SAMD15: variants seen among roughly 807,000 people sequenced by gnomAD.
SAMD15 encodes the protein sterile alpha motif domain-containing protein 15.
Under a neutral mutation model 50.5 loss-of-function variants are expected in SAMD15, and 37 were observed. The ratio of observed to expected loss-of-function variants is 0.73; its 90% CI spans 0.56 to 0.96. SAMD15 has a LOEUF of 0.96. Among genes scored for constraint, SAMD15 ranks in the 40% least tolerant of loss-of-function variants. SAMD15 has a pLI of 0.00. For missense variants in SAMD15, 789 were observed against 783.8 expected, an observed-to-expected ratio of 1.01 and a Z score of -0.08; for synonymous variants, 255 against 282.8, an observed-to-expected ratio of 0.90 and a Z score of 0.99.
At chr14:77,389,496 A>ATTTTTTTTTTT (rs768983521) in intron 2 of SAMD15, among the ~76,000 whole-genome samples, 1 of 111,654 alleles carries the variant, frequency 9.0e-6, no homozygotes, top group Admixed American at 1.1e-4. Flanking sequence ...GGCAATCACA[A>ATTTTTTTTTTT]TTTTTTTTTT....
intron 2 of SAMD15, among the ~76,000 whole-genome samples, chr14:77,383,142 A>C (rs1446796873): frequency 1.3e-5 from 2 of 152,246 alleles, no homozygotes; most frequent in Non-Finnish European, 2.9e-5. Context: ...TTTCTACTTA[A>C]GGTATAATGA....
chr14:77,378,443 G>A lies in SAMD15; in HGVS notation c.1025G>A (p.Arg342Lys). Reference sequence around the variant, plus strand: ...TTAGAGTTTCCTGAGGAAGAATCAAGAAAAACAAATGAGGAAACAATTCTA... The same window carrying A: ...TTAGAGTTTCCTGAGGAAGAATCAAAAAAAACAAATGAGGAAACAATTCTA... ...IKLEFPEEESRKTNEETILEQ... is the reference protein window; with the variant it reads ...IKLEFPEEESKKTNEETILEQ... Residue 342 changes from arginine (R) to lysine (K), a missense_variant, in exon 1 of 3, where the codon AGA becomes AAA. This residue lies in a region of SAMD15 where 770 missense variants were observed against 745.4 expected (regional missense o/e 1.03). Coordinates refer to ENST00000216471, the MANE Select transcript of SAMD15 (RefSeq NM_001010860.4). 6.2e-7 allele frequency: 1 copy of A among 1,613,706 alleles called. No individual in the cohort carries two copies. The highest frequency in any genetic ancestry group is 2.2e-5 in the East Asian group (1 of 44,884).
In SAMD15 at chr14:77,378,608, C is replaced by T. The variant is rs756793490; in HGVS notation, c.1190C>T (p.Thr397Ile). The T allele has an allele frequency of 3.2e-5, 51 of 1,613,690 alleles. No individual in the cohort carries two copies. Among genetic ancestry groups the T allele is most frequent in the Non-Finnish European group, 4.1e-5 (48 of 1,179,958 alleles). The part of the protein sequence containing the change: ...INPQVEEKTQ[T>I]KPTEKILELP... The stretch of plus-strand genomic sequence containing the variant: ...CCACAAGTTGAAGAGAAAACACAAA[C>T]AAAGCCAACTGAGAAAATTCTAGAG... The change falls in exon 1 of 3, where the codon ACA (threonine) becomes ATA (isoleucine). Residue 397 changes from threonine (T) to isoleucine (I), a missense_variant. Transcript: ENST00000216471.
chr14:77,390,213 C>T (rs548149070), intron 2 of SAMD15, among the ~76,000 whole-genome samples: 90 of 152,030 alleles, frequency 5.9e-4, no homozygotes, highest in Non-Finnish European at 7.6e-4. Context: ...CCAGACTGTT[C>T]TCGAACTCCT....
intron 2 of SAMD15, among the ~76,000 whole-genome samples, chr14:77,385,078 G>A (rs1893988889): frequency 6.6e-6 from 1 of 151,832 alleles, no homozygotes; most frequent in South Asian, 2.1e-4. Context: ...AGCTACTAGG[G>A]AGGCAGAGGC....
At chr14:77,387,896 A>G (rs1425061788) in intron 2 of SAMD15, among the ~76,000 whole-genome samples, 24 of 152,106 alleles carry the variant, frequency 1.6e-4, no homozygotes, top group Admixed American at 1.6e-3. Flanking sequence ...CCAAAAAAAA[A>G]GCAGGGTATG....
Position 77,377,627 on chromosome 14 carries a change from A to G in SAMD15, c.209A>G (p.Asp70Gly). 1 of 1,614,222 alleles carries G rather than the reference A, an allele frequency of 6.2e-7. No homozygotes were observed. Among genetic ancestry groups the G allele is most frequent in the Non-Finnish European group, 8.5e-7 (1 of 1,180,040 alleles). ...EEEDFKEGEP[D>G]SAKNVQLKPG... Reference sequence around the variant, plus strand: ...GAGGACTTCAAAGAGGGGGAGCCAGACAGTGCTAAGAACGTGCAGCTGAAA... The same window carrying G: ...GAGGACTTCAAAGAGGGGGAGCCAGGCAGTGCTAAGAACGTGCAGCTGAAA... Residue 70 changes from aspartate to glycine, a missense_variant, in exon 1 of 3, where the codon GAC becomes GGC. Around this residue, in one of 2 missense-constraint regions of SAMD15, gnomAD observed 770 missense variants for 745.4 expected, o/e 1.03. Transcript: ENST00000216471.
chr14:77,378,832 A>G lies in SAMD15; in HGVS notation c.1414A>G (p.Ile472Val), dbSNP rs1276594124. The change falls in exon 1 of 3, where the codon ATT becomes GTT. Residue 472 changes from isoleucine (I) to valine (V), a missense_variant. By Grantham distance (29) the Ile-to-Val change is conservative. Transcript: ENST00000216471. ...ATCTCTCAGAGAAAGTGAAGAATCA[A>G]TTGGTACACATTATGAGTTTTTGCA... ...LGSLRESEES[I>V]GTHYEFLQPL... is the part of the protein sequence containing the mutation. The G allele has an allele frequency of 1.2e-6, 2 of 1,613,862 alleles. No homozygotes were observed. Among genetic ancestry groups the G allele is most frequent in the East Asian group, 4.5e-5 (2 of 44,904 alleles).
chr14:77,385,925 G>A (rs1894000714), intron 2 of SAMD15, among the ~76,000 whole-genome samples: 1 of 148,906 alleles, frequency 6.7e-6, no homozygotes, highest in African/African-American at 2.5e-5. Flanking sequence ...TCAGCTCAGT[G>A]CAACCTCCAC....
Position 77,378,295 on chromosome 14 carries a change from C to T in SAMD15, c.877C>T (p.Gln293Ter), listed in dbSNP as rs1566699390. The T allele has an allele frequency of 1.9e-6, 3 of 1,611,912 alleles. No individual in the cohort carries two copies. The change falls in exon 1 of 3, where the codon CAA (glutamine) becomes TAA (stop). Residue 293 changes from glutamine (Q) to a stop codon, truncating the protein, a stop_gained. Transcript: ENST00000216471. LOFTEE classifies it high-confidence loss of function. ...TCAACCAGAGGTTCCAGAGGAGATG[C>T]AAAGAAAGGCAACTGAGGAGAAAGG... ...ETQPEVPEEM[Q>*]RKATEEKGTE...
At chr14:77,381,724 T>C (rs1315026315) in intron 2 of SAMD15, among the ~76,000 whole-genome samples, 1 of 152,198 alleles carries the variant, frequency 6.6e-6, no homozygotes, top group East Asian at 1.9e-4. Context: ...CAAGAAGATA[T>C]AACGAAACTT....
rs766793573 is a variant in SAMD15 at position 77,378,564 on chromosome 14, G to A, written c.1146G>A (p.Val382=). The A allele has an allele frequency of 6.2e-7, 1 of 1,613,300 alleles. No homozygotes were observed. Among genetic ancestry groups the A allele is most frequent in the South Asian group, 1.1e-5 (1 of 90,980 alleles). ...AGCCACCAGAGGAGACTGGTCCAGT[G>A]CTACCACAGGAGATCAACCCACAAG... ...NPQPPEETGP[V]LPQEINPQVE... Residue 382 remains valine, a synonymous_variant, in exon 1 of 3, where the codon GTG becomes GTA. Transcript: ENST00000216471.
In SAMD15 at chr14:77,391,283, AT is replaced by A; in HGVS notation, c.*41del. ...CACAGAGCTTGAAAGATCAAACTAA[AT>A]TACTTGAGGGAAGAGGTATGGTCTT... On this transcript the variant is annotated 3_prime_UTR_variant, in exon 3 of 3. Coordinates refer to ENST00000216471, the MANE Select transcript of SAMD15 (RefSeq NM_001010860.4). The A allele has an allele frequency of 7.8e-7, 1 of 1,284,672 alleles. No homozygotes were observed. 79.6% of individuals were successfully genotyped at this position (1,284,672 alleles called of 1,614,324 possible). A position where few individuals can be genotyped will look rare whatever the true frequency, so the allele number is the denominator to read the frequency against.
chr14:77,378,423 GTT>G lies in SAMD15; in HGVS notation c.1007_1008del (p.Phe336SerfsTer2). The stretch of plus-strand genomic sequence containing the variant: ...AGCCACTAGAAGAGATCAAATTAGA[GTT>G]TCCTGAGGAAGAATCAAGAAAAACA... ...PEPLEEIKLE[F>X]PEEESRKTNE... is the part of the protein sequence containing the mutation. On this transcript the variant is annotated frameshift_variant, in exon 1 of 3. Transcript: ENST00000216471. LOFTEE classifies it high-confidence loss of function. The G allele has an allele frequency of 6.2e-7, 1 of 1,613,960 alleles. No individual in the cohort carries two copies. The highest frequency in any genetic ancestry group is 8.5e-7 in the Non-Finnish European group (1 of 1,179,984).
In SAMD15 at chr14:77,377,549, A is replaced by T. The variant is rs377614456; in HGVS notation, c.131A>T (p.Asp44Val). ...NAEPDTMAKA[D>V]SKLPAEIYQE... Reference sequence around the variant, plus strand: ...GAACCAGACACCATGGCAAAGGCAGACTCGAAGCTACCAGCAGAGATTTAC... The same window carrying T: ...GAACCAGACACCATGGCAAAGGCAGTCTCGAAGCTACCAGCAGAGATTTAC... The change falls in exon 1 of 3, where the codon GAC (aspartate) becomes GTC (valine). Residue 44 changes from aspartate to valine, a missense_variant. Asp to Val is a radical substitution (Grantham distance 152). Transcript: ENST00000216471. 1.9e-6 allele frequency: 3 copies of T among 1,614,148 alleles called. No individual in the cohort carries two copies. Among genetic ancestry groups the T allele is most frequent in the Non-Finnish European group, 2.5e-6 (3 of 1,180,010 alleles).
rs766329164 is a variant in SAMD15 at position 77,377,484 on chromosome 14, G to A, written c.66G>A (p.Arg22=). 6.2e-7 allele frequency: 1 copy of A among 1,614,136 alleles called. No homozygotes were observed. ...AAGATGGAGAGCTGGAGCCTGAGAG[G>A]CCTGAACTGCCTGGACTTCATAAAT... ...PDEDGELEPE[R]PELPGLHKLY... is the part of the protein sequence containing the mutation. Residue 22 remains arginine (R), a synonymous_variant, in exon 1 of 3, where the codon AGG becomes AGA. Coordinates refer to ENST00000216471, the MANE Select transcript of SAMD15 (RefSeq NM_001010860.4).
At chr14:77,388,869 A>G (rs1370548464) in intron 2 of SAMD15, among the ~76,000 whole-genome samples, 2 of 152,118 alleles carry the variant, frequency 1.3e-5, no homozygotes, top group African/African-American at 4.8e-5. Flanking sequence ...TCGGCCTCCC[A>G]GAGACATAAG....
intron 1 of SAMD15, among the ~76,000 whole-genome samples, chr14:77,380,117 T>C (rs1002564595): frequency 2.6e-5 from 4 of 152,136 alleles, no homozygotes; most frequent in African/African-American, 9.7e-5. Flanking sequence ...GTTATTGGGA[T>C]AGAAAGTAAA....
In SAMD15 at chr14:77,380,455, G is replaced by A; in HGVS notation, c.1762G>A (p.Gly588Arg). 6.2e-7 allele frequency: 1 copy of A among 1,613,442 alleles called. No homozygotes were observed. Among genetic ancestry groups the A allele is most frequent in the South Asian group, 1.1e-5 (1 of 91,044 alleles). The change falls in exon 2 of 3, where the codon GGG (glycine) becomes AGG (arginine). Residue 588 changes from glycine (G) to arginine (R), a missense_variant. By Grantham distance (125) the Gly-to-Arg change is moderately radical. Transcript: ENST00000216471. ...HVNCSNLPQM[G>R]ITNFEDMKAI... ...CAACTGCTCAAACCTCCCTCAGATG[G>A]GGATAACAAACTTTGAGGACATGAA...
Sources: allele counts gnomAD v4.1 joint callset (sites outside exome capture counted in the v4.1 genomes callset), GRCh38; gene constraint gnomAD v4.1.1; regional missense constraint gnomAD v4.1.1; transcripts MANE v1.5; gene names NCBI Gene and HGNC (gene_info 2026-07-23, HGNC 2026-07-21).